Variants in CCDC185 observed in about 807,000 individuals in gnomAD.
The protein encoded by CCDC185 is coiled-coil domain containing 185, also known as coiled-coil domain-containing protein 185.
For synonymous variants in CCDC185, 381 were observed against 348.1 expected, an observed-to-expected ratio of 1.09 and a Z score of -1.05; for missense variants, 982 against 825.3, an observed-to-expected ratio of 1.19 and a Z score of -2.33.
rs751685838 is a variant in CCDC185 at position 223,393,916 on chromosome 1, G to A, written c.441G>A (p.Pro147=). Residue 147 remains proline, a synonymous_variant, in exon 1 of 1, where the codon CCG becomes CCA. Coordinates refer to ENST00000366875, the MANE Select transcript of CCDC185 (RefSeq NM_152610.3). This position sits in a 1 kb window ranked among gnomAD's most constrained non-coding sequence, Gnocchi z 4.8. ...HYPLAQGDSP[P]PCPGGAGTPL... ...CTCTGGCCCAGGGAGACTCGCCCCC[G>A]CCTTGCCCCGGAGGAGCTGGCACTC... is the stretch of plus-strand genomic sequence containing the variant. 14 of 1,612,308 alleles carry A rather than the reference G, an allele frequency of 8.7e-6. No homozygotes were observed. The highest frequency in any genetic ancestry group is 6.7e-5 in the African/African-American group (5 of 75,042).
In CCDC185 at chr1:223,393,602, T is replaced by C; in HGVS notation, c.127T>C (p.Cys43Arg). The C allele has an allele frequency of 6.5e-7, 1 of 1,527,030 alleles. No homozygotes were observed. The highest frequency in any genetic ancestry group is 2.0e-5 in the Admixed American group (1 of 49,340). 94.6% of individuals were successfully genotyped at this position (1,527,030 alleles called of 1,614,324 possible). ...GAGGTCCGGAGCCGACTCCACCGCGTGCTCCCGGGCCGGGACTCCGGGTGC... is the reference window on the plus strand; with the variant it reads ...GAGGTCCGGAGCCGACTCCACCGCGCGCTCCCGGGCCGGGACTCCGGGTGC... ...GQRSGADSTA[C>R]SRAGTPGAES... Residue 43 changes from cysteine to arginine, a missense_variant, in exon 1 of 1, where the codon TGC becomes CGC. Transcript: ENST00000366875. The surrounding 1 kb of genome is among the most constrained non-coding windows in gnomAD (Gnocchi z 4.8).
Position 223,393,487 on chromosome 1 carries a change from C to T in CCDC185, c.12C>T (p.Phe4=). ...GCCCAGAGGGAGGGATGGCAGGCTT[C>T]AGCCACTTCTCCCAGCCGCCCTACC... is the stretch of plus-strand genomic sequence containing the variant. MAG[F]SHFSQPPYRD... The change falls in exon 1 of 1, where the codon TTC becomes TTT. Residue 4 remains phenylalanine, a synonymous_variant. Coordinates refer to ENST00000366875, the MANE Select transcript of CCDC185 (RefSeq NM_152610.3). The surrounding 1 kb of genome is among the most constrained non-coding windows in gnomAD (Gnocchi z 4.8). The T allele has an allele frequency of 6.7e-7, 1 of 1,492,566 alleles. No individual in the cohort carries two copies. Among genetic ancestry groups the T allele is most frequent in the Non-Finnish European group, 8.9e-7 (1 of 1,122,290 alleles). 92.5% of individuals were successfully genotyped at this position (1,492,566 alleles called of 1,614,324 possible).
rs767232747 is a variant in CCDC185, at chr1:223,393,514, G to T, written c.39G>T (p.Arg13=). 6.5e-7 allele frequency: 1 copy of T among 1,542,166 alleles called. No homozygotes were observed. Among genetic ancestry groups the T allele is most frequent in the Non-Finnish European group, 8.7e-7 (1 of 1,146,808 alleles). ...GFSHFSQPPY[R]DLWEPPRPGG... Reference sequence around the variant, plus strand: ...GCCACTTCTCCCAGCCGCCCTACCGGGATCTCTGGGAACCCCCGCGGCCCG... The same window carrying T: ...GCCACTTCTCCCAGCCGCCCTACCGTGATCTCTGGGAACCCCCGCGGCCCG... The change falls in exon 1 of 1, where the codon CGG becomes CGT. Residue 13 remains arginine (R), a synonymous_variant. Coordinates refer to ENST00000366875, the MANE Select transcript of CCDC185 (RefSeq NM_152610.3). The surrounding 1 kb of genome is among the most constrained non-coding windows in gnomAD (Gnocchi z 4.8).
chr1:223,393,877 C>G lies in CCDC185; in HGVS notation c.402C>G (p.Pro134=), dbSNP rs1669607467. ...AGCTGCCACCCCAGCGGCCGCAGCCCTGCCCGCATTACCCTCTGGCCCAGG... is the reference window on the plus strand; with the variant it reads ...AGCTGCCACCCCAGCGGCCGCAGCCGTGCCCGCATTACCCTCTGGCCCAGG... The part of the protein sequence containing the change: ...QTQLPPQRPQ[P]CPHYPLAQGD... The change falls in exon 1 of 1, where the codon CCC becomes CCG. Residue 134 remains proline (P), a synonymous_variant. Transcript: ENST00000366875. The surrounding 1 kb of genome is among the most constrained non-coding windows in gnomAD (Gnocchi z 4.8). 6.2e-7 allele frequency: 1 copy of G among 1,608,466 alleles called. No homozygotes were observed. The highest frequency in any genetic ancestry group is 1.7e-5 in the Admixed American group (1 of 59,464).
rs1454584556 is a variant in CCDC185, at chr1:223,393,505, G to T, written c.30G>T (p.Pro10=). The T allele has an allele frequency of 6.6e-7, 1 of 1,524,208 alleles. No individual in the cohort carries two copies. Among genetic ancestry groups the T allele is most frequent in the Non-Finnish European group, 8.8e-7 (1 of 1,138,328 alleles). 94.4% of individuals were successfully genotyped at this position (1,524,208 alleles called of 1,614,324 possible). The change falls in exon 1 of 1, where the codon CCG becomes CCT. Residue 10 remains proline (P), a synonymous_variant. Coordinates refer to ENST00000366875, the MANE Select transcript of CCDC185 (RefSeq NM_152610.3). This position sits in a 1 kb window ranked among gnomAD's most constrained non-coding sequence, Gnocchi z 4.8. The part of the protein sequence containing the change: MAGFSHFSQ[P]PYRDLWEPPR... ...CAGGCTTCAGCCACTTCTCCCAGCC[G>T]CCCTACCGGGATCTCTGGGAACCCC...
In CCDC185 at chr1:223,393,601, G is replaced by A. The variant is rs1189572801; in HGVS notation, c.126G>A (p.Ala42=). The stretch of plus-strand genomic sequence containing the variant: ...AGAGGTCCGGAGCCGACTCCACCGC[G>A]TGCTCCCGGGCCGGGACTCCGGGTG... The part of the protein sequence containing the change: ...GGQRSGADST[A]CSRAGTPGAE... The change falls in exon 1 of 1, where the codon GCG becomes GCA. Residue 42 remains alanine (A), a synonymous_variant. Coordinates refer to ENST00000366875, the MANE Select transcript of CCDC185 (RefSeq NM_152610.3). This position sits in a 1 kb window ranked among gnomAD's most constrained non-coding sequence, Gnocchi z 4.8. 1 of 1,526,346 alleles carries A rather than the reference G, an allele frequency of 6.6e-7. No individual in the cohort carries two copies. The highest frequency in any genetic ancestry group is 8.8e-7 in the Non-Finnish European group (1 of 1,140,188). 94.6% of individuals were successfully genotyped at this position (1,526,346 alleles called of 1,614,324 possible). A position where few individuals can be genotyped will look rare whatever the true frequency, so the allele number is the denominator to read the frequency against.
At position 223,394,158 on chromosome 1, in the gene CCDC185, C is replaced by T; in HGVS notation, c.683C>T (p.Pro228Leu). The change falls in exon 1 of 1, where the codon CCC becomes CTC. Residue 228 changes from proline (P) to leucine (L), a missense_variant. Pro to Leu is a moderately conservative substitution (Grantham distance 98). Transcript: ENST00000366875. ...TCATTAGCCAGCCGGGACTCCCAGCCCTTGGCCTCCAGCAAAGAGATGCGG... is the reference window on the plus strand; with the variant it reads ...TCATTAGCCAGCCGGGACTCCCAGCTCTTGGCCTCCAGCAAAGAGATGCGG... ...VESLASRDSQ[P>L]LASSKEMRSP... 6.2e-7 allele frequency: 1 copy of T among 1,614,084 alleles called. No individual in the cohort carries two copies. The highest frequency in any genetic ancestry group is 8.5e-7 in the Non-Finnish European group (1 of 1,180,044).
Position 223,393,433 on chromosome 1 carries a change from C to T in CCDC185, c.-43C>T. On this transcript the variant is annotated 5_prime_UTR_variant, in exon 1 of 1. Transcript: ENST00000366875. This position sits in a 1 kb window ranked among gnomAD's most constrained non-coding sequence, Gnocchi z 4.8. ...GGTGTCTGCAGCGTCCTCGGGAGGT[C>T]TCAGGCCCCTTGGGCAGACGCTGCG... 7.1e-7 allele frequency: 1 copy of T among 1,418,048 alleles called. No individual in the cohort carries two copies. The allele number at this position is 1,418,048 out of a possible 1,614,324, so 87.8% of individuals were successfully genotyped here. A position where few individuals can be genotyped will look rare whatever the true frequency, so the allele number is the denominator to read the frequency against.
In CCDC185 at chr1:223,393,723, G is replaced by A. The variant is rs758625955; in HGVS notation, c.248G>A (p.Arg83Gln). The A allele has an allele frequency of 5.1e-6, 8 of 1,569,638 alleles. No homozygotes were observed. Among genetic ancestry groups the A allele is most frequent in the East Asian group, 2.4e-5 (1 of 42,244 alleles). ...RGCSDSLRGS[R>Q]SLSDVARRPL... ...TGCTCAGATTCACTGCGGGGCAGCC[G>A]AAGCCTGAGCGATGTGGCCCGCAGG... Residue 83 changes from arginine (R) to glutamine (Q), a missense_variant, in exon 1 of 1, where the codon CGA (arginine) becomes CAA (glutamine). Transcript: ENST00000366875. This position sits in a 1 kb window ranked among gnomAD's most constrained non-coding sequence, Gnocchi z 4.8.
Position 223,395,358 on chromosome 1 carries a change from C to G in CCDC185, c.*11C>G. On this transcript the variant is annotated 3_prime_UTR_variant, in exon 1 of 1. Transcript: ENST00000366875. ...AACAGGGGTTACTGAGAACCAAGGA[C>G]GCCTGGCTTACAGTGCGCAGCCAGA... 2 of 1,502,186 alleles carry G rather than the reference C, an allele frequency of 1.3e-6. No homozygotes were observed. The highest frequency in any genetic ancestry group is 8.9e-7 in the Non-Finnish European group (1 of 1,127,574). 93.1% of individuals were successfully genotyped at this position (1,502,186 alleles called of 1,614,324 possible).
Position 223,393,758 on chromosome 1 carries a change from C to T in CCDC185, c.283C>T (p.Arg95Cys). The T allele has an allele frequency of 6.4e-7, 1 of 1,565,376 alleles. No individual in the cohort carries two copies. The highest frequency in any genetic ancestry group is 1.2e-5 in the South Asian group (1 of 85,886). ...LSDVARRPLERSRKHRPRSRR... is the reference protein window; with the variant it reads ...LSDVARRPLECSRKHRPRSRR... ...CGATGTGGCCCGCAGGCCCCTGGAA[C>T]GTTCCAGGAAGCACCGGCCCCGCAG... The change falls in exon 1 of 1, where the codon CGT (arginine) becomes TGT (cysteine). Residue 95 changes from arginine to cysteine, a missense_variant. Arg to Cys is a radical substitution (Grantham distance 180). Transcript: ENST00000366875. This position sits in a 1 kb window ranked among gnomAD's most constrained non-coding sequence, Gnocchi z 4.8.
chr1:223,395,272 G>T lies in CCDC185; in HGVS notation c.1797G>T (p.Ala599=), dbSNP rs138367372. 25 of 1,575,318 alleles carry T rather than the reference G, an allele frequency of 1.6e-5. No homozygotes were observed. Among genetic ancestry groups the T allele is most frequent in the Non-Finnish European group, 2.1e-5 (24 of 1,164,970 alleles). ...AGGCCTCCAGGAGAGAGGAGAGAGCGCCTCCCAACAGCTCCCTTGATCAGA... is the reference window on the plus strand; with the variant it reads ...AGGCCTCCAGGAGAGAGGAGAGAGCTCCTCCCAACAGCTCCCTTGATCAGA... ...LPQASRREER[A]PPNSSLDQMV... Residue 599 remains alanine, a synonymous_variant, in exon 1 of 1, where the codon GCG becomes GCT. Transcript: ENST00000366875.
In CCDC185 at chr1:223,394,093, C is replaced by G; in HGVS notation, c.618C>G (p.Cys206Trp). 1 of 1,614,152 alleles carries G rather than the reference C, an allele frequency of 6.2e-7. No homozygotes were observed. Among genetic ancestry groups the G allele is most frequent in the East Asian group, 2.2e-5 (1 of 44,870 alleles). The change falls in exon 1 of 1, where the codon TGC (cysteine) becomes TGG (tryptophan). Residue 206 changes from cysteine to tryptophan, a missense_variant. Coordinates refer to ENST00000366875, the MANE Select transcript of CCDC185 (RefSeq NM_152610.3). Reference protein sequence around the residue: ...PSQKFKRHSACVCAQKRDSSD... With the variant: ...PSQKFKRHSAWVCAQKRDSSD... ...AAAAGTTCAAGAGGCACTCAGCCTG[C>G]GTGTGCGCCCAGAAGAGAGACAGCA... is the stretch of plus-strand genomic sequence containing the variant.
In CCDC185 at chr1:223,393,728, C is replaced by T. The variant is rs1227231840; in HGVS notation, c.253C>T (p.Leu85=). The T allele has an allele frequency of 6.4e-7, 1 of 1,569,122 alleles. No individual in the cohort carries two copies. Among genetic ancestry groups the T allele is most frequent in the East Asian group, 2.4e-5 (1 of 42,134 alleles). ...AGATTCACTGCGGGGCAGCCGAAGC[C>T]TGAGCGATGTGGCCCGCAGGCCCCT... The part of the protein sequence containing the change: ...CSDSLRGSRS[L]SDVARRPLER... Residue 85 remains leucine (L), a synonymous_variant, in exon 1 of 1, where the codon CTG becomes TTG. Coordinates refer to ENST00000366875, the MANE Select transcript of CCDC185 (RefSeq NM_152610.3). The surrounding 1 kb of genome is among the most constrained non-coding windows in gnomAD (Gnocchi z 4.8).
chr1:223,394,116 G>A lies in CCDC185; in HGVS notation c.641G>A (p.Ser214Asn), dbSNP rs755615384. The A allele has an allele frequency of 1.5e-5, 25 of 1,613,992 alleles. No individual in the cohort carries two copies. Among genetic ancestry groups the A allele is most frequent in the Non-Finnish European group, 1.7e-6 (2 of 1,180,048 alleles). ...TGCGTGTGCGCCCAGAAGAGAGACAGCAGCGACCAGGTTGAGTCATTAGCC... is the reference window on the plus strand; with the variant it reads ...TGCGTGTGCGCCCAGAAGAGAGACAACAGCGACCAGGTTGAGTCATTAGCC... Reference protein sequence around the residue: ...SACVCAQKRDSSDQVESLASR... With the variant: ...SACVCAQKRDNSDQVESLASR... The change falls in exon 1 of 1, where the codon AGC (serine) becomes AAC (asparagine). Residue 214 changes from serine (S) to asparagine (N), a missense_variant. Physicochemically the swap from Ser to Asn is conservative, Grantham distance 46. Coordinates refer to ENST00000366875, the MANE Select transcript of CCDC185 (RefSeq NM_152610.3).
Position 223,393,692 on chromosome 1 carries a change from C to G in CCDC185, c.217C>G (p.Arg73Gly). The G allele has an allele frequency of 6.4e-7, 1 of 1,570,520 alleles. No individual in the cohort carries two copies. The highest frequency in any genetic ancestry group is 8.6e-7 in the Non-Finnish European group (1 of 1,162,628). ...HCSFTPRPRRRGCSDSLRGSR... is the reference protein window; with the variant it reads ...HCSFTPRPRRGGCSDSLRGSR... Reference sequence around the variant, plus strand: ...TTCGTTCACCCCGCGGCCTCGCAGGCGCGGGTGCTCAGATTCACTGCGGGG... The same window carrying G: ...TTCGTTCACCCCGCGGCCTCGCAGGGGCGGGTGCTCAGATTCACTGCGGGG... Residue 73 changes from arginine (R) to glycine (G), a missense_variant, in exon 1 of 1, where the codon CGC (arginine) becomes GGC (glycine). Arg to Gly is a moderately radical substitution (Grantham distance 125). Coordinates refer to ENST00000366875, the MANE Select transcript of CCDC185 (RefSeq NM_152610.3). This position sits in a 1 kb window ranked among gnomAD's most constrained non-coding sequence, Gnocchi z 4.8.
Position 223,393,452 on chromosome 1 carries a change from C to A in CCDC185, c.-24C>A. The A allele has an allele frequency of 2.1e-6, 3 of 1,438,676 alleles. No individual in the cohort carries two copies. The highest frequency in any genetic ancestry group is 1.5e-5 in the South Asian group (1 of 67,786). 89.1% of individuals were successfully genotyped at this position (1,438,676 alleles called of 1,614,324 possible). On this transcript the variant is annotated 5_prime_UTR_variant, in exon 1 of 1. Transcript: ENST00000366875. This position sits in a 1 kb window ranked among gnomAD's most constrained non-coding sequence, Gnocchi z 4.8. Reference sequence around the variant, plus strand: ...GGAGGTCTCAGGCCCCTTGGGCAGACGCTGCGCGTGCCCAGAGGGAGGGAT... The same window carrying A: ...GGAGGTCTCAGGCCCCTTGGGCAGAAGCTGCGCGTGCCCAGAGGGAGGGAT...
In CCDC185 at chr1:223,395,101, C is replaced by T. The variant is rs761659471; in HGVS notation, c.1626C>T (p.Asn542=). Reference sequence around the variant, plus strand: ...AGCTCAACCACCTGAGGGAGAAAAACCACCACATCCTGAAACTGAAAGCCG... The same window carrying T: ...AGCTCAACCACCTGAGGGAGAAAAATCACCACATCCTGAAACTGAAAGCCG... ...LRELNHLREK[N]HHILKLKAEK... Residue 542 remains asparagine, a synonymous_variant, in exon 1 of 1, where the codon AAC becomes AAT. Transcript: ENST00000366875. The T allele has an allele frequency of 2.5e-6, 4 of 1,614,162 alleles. No homozygotes were observed. The South Asian group carries it at 4.4e-5, about 18-fold the overall frequency.
chr1:223,394,365 C>A lies in CCDC185; in HGVS notation c.890C>A (p.Thr297Asn). 6.3e-7 allele frequency: 1 copy of A among 1,581,990 alleles called. No homozygotes were observed. The highest frequency in any genetic ancestry group is 8.6e-7 in the Non-Finnish European group (1 of 1,164,282). The change falls in exon 1 of 1, where the codon ACC becomes AAC. Residue 297 changes from threonine to asparagine, a missense_variant. Physicochemically the swap from Thr to Asn is moderately conservative, Grantham distance 65. Coordinates refer to ENST00000366875, the MANE Select transcript of CCDC185 (RefSeq NM_152610.3). ...CGCTCGGATCAGAAGGTCCAGATGA[C>A]CCTGGAGCGGGAGCGCCGGCTGCTG... ...LKRSDQKVQM[T>N]LERERRLLLR...
Sources: gnomAD v4.1 joint callset for allele counts on GRCh38, gnomAD v4.1.1 for gene constraint, Gnocchi (gnomAD v3.1) non-coding constraint, MANE v1.5 for transcripts, NCBI Gene and HGNC (gene_info 2026-07-23, HGNC 2026-07-21) for gene names.